The following DLG2 variants were observed in gnomAD, a reference collection of about 807,000 sequenced individuals.
The protein encoded by DLG2 is disks large homolog 2.
In DLG2, 45 loss-of-function variants were observed where a neutral mutation model predicts 132.5. That is an observed-to-expected ratio of 0.34 (90% CI 0.27 to 0.44). The LOEUF is 0.44. Ranked by LOEUF, DLG2 falls within the 20% of genes least tolerant of loss-of-function variation. DLG2 has a pLI of 1.00. For missense variants in DLG2, 1,045 were observed against 1,196.9 expected (o/e 0.87, Z 1.87); for synonymous variants, 424 against 419.6 (o/e 1.01, Z -0.13).
intron 15 of DLG2, among the ~76,000 whole-genome samples, chr11:83,909,273 C>A (rs2075619137): frequency 6.6e-6 from 1 of 152,206 alleles, no homozygotes; most frequent in Non-Finnish European, 1.5e-5. Flanking sequence ...GTTTTCCCAT[C>A]TGTACATTAT....
chr11:83,677,547 G>A (rs1210150583), intron 18 of DLG2, among the ~76,000 whole-genome samples: 1 of 152,056 alleles, frequency 6.6e-6, no homozygotes, highest in Non-Finnish European at 1.5e-5. Flanking sequence ...GCAAGGTTTA[G>A]TAGTAGGGAA....
intron 18 of DLG2, chr11:83,682,304 A>G (rs2078969535): frequency 1.0e-6 from 1 of 985,400 alleles, no homozygotes; most frequent in South Asian, 4.7e-5. Flanking sequence ...TCACTAGCGG[A>G]ACCTGATGAA....
intron 15 of DLG2, among the ~76,000 whole-genome samples, chr11:83,909,693 AAG>A: frequency 6.6e-6 from 1 of 152,314 alleles, no homozygotes; most frequent in South Asian, 2.1e-4. Flanking sequence ...TATCTGAAAA[AAG>A]AGAGACTTAT....
intron 16 of DLG2, among the ~76,000 whole-genome samples, chr11:83,843,208 C>T (rs890509146): frequency 6.6e-6 from 1 of 152,182 alleles, no homozygotes; most frequent in Non-Finnish European, 1.5e-5. Context: ...CCAACCACAG[C>T]TTCTCATCCC....
intron 4 of DLG2, among the ~76,000 whole-genome samples, chr11:85,234,714 C>T (rs1440287915): frequency 6.6e-6 from 1 of 151,986 alleles, no homozygotes. Flanking sequence ...TGGGTTAAGA[C>T]ATTTGGCCTG....
At chr11:84,006,546 A>C (rs535940807) in intron 11 of DLG2, among the ~76,000 whole-genome samples, 1 of 151,740 alleles carries the variant, frequency 6.6e-6, no homozygotes, top group South Asian at 2.1e-4. Flanking sequence ...TTTAATACTT[A>C]AGTATTTACG....
chr11:85,127,760 A>C (rs952276668), intron 5 of DLG2, among the ~76,000 whole-genome samples: 1 of 152,190 alleles, frequency 6.6e-6, no homozygotes, highest in Non-Finnish European at 1.5e-5. Flanking sequence ...CATTTTCTCT[A>C]CATGAAGCTC....
At chr11:83,577,143 C>G (rs1022434339) in intron 19 of DLG2, among the ~76,000 whole-genome samples, 12 of 152,028 alleles carry the variant, frequency 7.9e-5, no homozygotes, top group African/African-American at 2.7e-4. Flanking sequence ...CCTAGCCTCC[C>G]AGCCTACATC....
At chr11:85,326,468 C>A (rs1306688157) in intron 3 of DLG2, among the ~76,000 whole-genome samples, 4 of 112,440 alleles carry the variant, frequency 3.6e-5, no homozygotes, top group African/African-American at 1.1e-4. Flanking sequence ...GGCCAATATT[C>A]AACATTCTTA....
intron 6 of DLG2, among the ~76,000 whole-genome samples, chr11:85,084,511 C>G (rs1035040941): frequency 2.6e-5 from 4 of 151,866 alleles, no homozygotes; most frequent in African/African-American, 9.7e-5. Flanking sequence ...AATACATAAG[C>G]TAGAAATATA....
At chr11:83,766,600 T>C (rs2094157045) in intron 18 of DLG2, among the ~76,000 whole-genome samples, 1 of 152,150 alleles carries the variant, frequency 6.6e-6, no homozygotes. Flanking sequence ...GCCAAGGTTA[T>C]CTTTTCTAAC....
At chr11:85,622,841 C>T (rs913438471) in intron 2 of DLG2, among the ~76,000 whole-genome samples, 6 of 151,990 alleles carry the variant, frequency 3.9e-5, no homozygotes, top group African/African-American at 1.2e-4. Context: ...GGGTGGATAA[C>T]GAGGTCAGGA....
At chr11:85,010,019 C>T (rs1235304398) in intron 6 of DLG2, among the ~76,000 whole-genome samples, 2 of 152,026 alleles carry the variant, frequency 1.3e-5, no homozygotes, top group Non-Finnish European at 2.9e-5. Flanking sequence ...CACTATGAAC[C>T]TAGCCATTGT....
intron 16 of DLG2, among the ~76,000 whole-genome samples, chr11:83,840,020 G>A (rs1021131624): frequency 2.0e-5 from 3 of 152,068 alleles, no homozygotes; most frequent in Admixed American, 6.5e-5. Context: ...CTGCTTAAAC[G>A]TCTCCAGGCA....
intron 6 of DLG2, among the ~76,000 whole-genome samples, chr11:85,088,473 A>G (rs886072656): frequency 4.6e-5 from 7 of 152,220 alleles, no homozygotes; most frequent in African/African-American, 1.7e-4. Context: ...AGAGAATCAT[A>G]TAAACATTCA....
intron 6 of DLG2, among the ~76,000 whole-genome samples, chr11:84,749,295 A>T (rs1044210155): frequency 2.6e-5 from 4 of 152,164 alleles, no homozygotes; most frequent in Non-Finnish European, 5.9e-5. Flanking sequence ...TTCTCAATCA[A>T]ATCAAGGAAC....
In DLG2 at chr11:84,955,276, C is replaced by T. The variant is rs374891872; in HGVS notation, c.357+156385G>A. ...CAGTCATTCTTTTAAATAATTGACA[C>T]GTAATAGCATATTTAATCTTCATAA... On this transcript the variant is annotated intron_variant, in intron 6 of 27. Transcript: ENST00000376104. 7 of 152,188 alleles carry T rather than the reference C, an allele frequency of 4.6e-5. No homozygotes were observed. In the East Asian group the frequency reaches 9.6e-4, roughly 21 times the overall value. 9.4% of individuals were successfully genotyped at this position (152,188 alleles called of 1,614,324 possible). A position where few individuals can be genotyped will look rare whatever the true frequency, so the allele number is the denominator to read the frequency against.
At chr11:85,286,064 C>A in intron 3 of DLG2, 2 of 432,070 alleles carry the variant, frequency 4.6e-6, no homozygotes, top group East Asian at 7.2e-5. Context: ...AAATAACCTC[C>A]AAGAAGTCAA....
At chr11:84,279,335 T>C (rs1445684347) in intron 7 of DLG2, among the ~76,000 whole-genome samples, 19 of 152,118 alleles carry the variant, frequency 1.2e-4, no homozygotes, top group Admixed American at 9.2e-4. Flanking sequence ...TGTGGAGAAA[T>C]AGGAACAATT....
Sources: allele counts gnomAD v4.1 joint callset (sites outside exome capture counted in the v4.1 genomes callset), GRCh38; gene constraint gnomAD v4.1.1; transcripts MANE v1.5; gene names NCBI Gene and HGNC (gene_info 2026-07-23, HGNC 2026-07-21).